Variants in FILIP1L observed in about 807,000 individuals in gnomAD.
FILIP1L encodes the protein filamin A-interacting protein 1-like.
In FILIP1L, 55 loss-of-function variants were observed where a neutral mutation model predicts 96.6. That is an observed-to-expected ratio of 0.57 (90% confidence interval 0.46 to 0.71). The LOEUF is 0.71. FILIP1L is among the 30% of genes least tolerant of loss of function. The pLI is 0.00. For synonymous variants in FILIP1L, 467 were observed against 473.9 expected (o/e 0.99, Z 0.19); for missense variants, 1,304 against 1,321.2 (o/e 0.99, Z 0.20).
chr3:100,058,594 G>A (rs1435618047), intron 1 of FILIP1L, among the ~76,000 whole-genome samples: 4 of 152,094 alleles, frequency 2.6e-5, no homozygotes, highest in Admixed American at 6.5e-5. Flanking sequence ...CCCCTTGGTG[G>A]ACAAAGAGAA....
chr3:99,983,029 A>G (rs1325488769), intron 1 of FILIP1L, among the ~76,000 whole-genome samples: 1 of 151,006 alleles, frequency 6.6e-6, no homozygotes, highest in Non-Finnish European at 1.5e-5. Flanking sequence ...TGTGAATATG[A>G]GGGAAGTCAT....
intron 1 of FILIP1L, among the ~76,000 whole-genome samples, chr3:100,052,380 T>C (rs2065389094): frequency 6.6e-6 from 1 of 152,234 alleles, no homozygotes; most frequent in Non-Finnish European, 1.5e-5. Context: ...GGGGAACTTT[T>C]GTTCCAAGGT....
chr3:99,843,170 A>G (rs1239669195), intron 5 of FILIP1L, among the ~76,000 whole-genome samples: 1 of 152,200 alleles, frequency 6.6e-6, no homozygotes, highest in African/African-American at 2.4e-5. Context: ...TGGTTCATCT[A>G]ACTGCCTTAT....
rs9825382 is a variant in FILIP1L, at chr3:99,902,947, G to A, written c.605+21283C>T. Among the ~76,000 whole-genome samples the A allele has an allele frequency of 3.8e-3, 583 of 152,246 alleles. 3 individuals are homozygous for A. Among genetic ancestry groups the A allele is most frequent in the African/African-American group, 0.013 (542 of 41,548 alleles). ...TATAAAATCATAAGCAGTGTGGCAG[G>A]ACAAATACTCCTGTTCACCTAAACC... is the stretch of plus-strand genomic sequence containing the variant. On this transcript the variant is annotated intron_variant, in intron 4 of 5. Transcript: ENST00000477258.
At position 99,914,633 on chromosome 3, in the gene FILIP1L, A is replaced by G. The variant is rs1206357911; in HGVS notation, c.605+9597T>C. 2.0e-5 allele frequency among the ~76,000 whole-genome samples: 3 copies of G among 152,360 alleles called. No homozygotes were observed. The East Asian group carries it at 5.8e-4, about 29-fold the overall frequency. ...CTTCATTGTTAGTAATGGTATAAAT[A>G]TCTTTTACAGAAGGCAGTTTAGCTA... On this transcript the variant is annotated intron_variant, in intron 4 of 5. Coordinates refer to ENST00000477258, the MANE Select transcript of FILIP1L (RefSeq NM_001387850.1).
intron 4 of FILIP1L, chr3:99,876,352 G>A (rs1054511737): frequency 1.3e-5 from 5 of 389,072 alleles, no homozygotes; most frequent in African/African-American, 2.2e-5. Context: ...TGAACGGACC[G>A]TGGTTCCCGG....
In FILIP1L at chr3:99,850,916, T is replaced by G. The variant is rs547561644; in HGVS notation, c.760A>C (p.Thr254Pro). 1 of 1,614,214 alleles carries G rather than the reference T, an allele frequency of 6.2e-7. No homozygotes were observed. Among genetic ancestry groups the G allele is most frequent in the South Asian group, 1.1e-5 (1 of 91,084 alleles). The change falls in exon 5 of 6, where the codon ACC becomes CCC. Residue 254 changes from threonine (T) to proline (P), a missense_variant. Thr to Pro is a conservative substitution (Grantham distance 38). Coordinates refer to ENST00000477258, the MANE Select transcript of FILIP1L (RefSeq NM_001387850.1). ...TCTTGGATTTTCTGTCTTTGAAGGG[T>G]GAGCTGTGCCGTCAGCCTTTGCTGT... is the stretch of plus-strand genomic sequence containing the variant. Reference protein sequence around the residue: ...DEQQRLTAQLTLQRQKIQELT... With the variant: ...DEQQRLTAQLPLQRQKIQELT...
rs10629410 is a variant in FILIP1L at position 99,929,513 on chromosome 3, A to AGTGTGTGT, written c.426+335_426+342dup. On this transcript the variant is annotated intron_variant, in intron 3 of 5. Transcript: ENST00000477258. ...GCCTGGGTACCCTGCAAGTTCCCAG[A>AGTGTGTGT]GTGTGTGTGTGTGTGTGTGTGTGTG... Among the ~76,000 whole-genome samples, 532 of 148,278 alleles carry AGTGTGTGT rather than the reference A, an allele frequency of 3.6e-3. 2 individuals carry two copies. Among genetic ancestry groups the AGTGTGTGT allele is most frequent in the South Asian group, 9.5e-3 (44 of 4,632 alleles).
At chr3:99,859,114 A>T (rs757658931) in intron 4 of FILIP1L, among the ~76,000 whole-genome samples, 50 of 152,266 alleles carry the variant, frequency 3.3e-4, no homozygotes, top group Admixed American at 1.2e-3. Context: ...CTCCAATTTG[A>T]AATAAGAGTA....
chr3:99,908,064 A>G (rs1475701661), intron 4 of FILIP1L, among the ~76,000 whole-genome samples: 1 of 152,224 alleles, frequency 6.6e-6, no homozygotes, highest in African/African-American at 2.4e-5. Context: ...GGATTTTTAA[A>G]CTGTCCAATT....
chr3:99,886,116 C>T (rs1278425702), intron 4 of FILIP1L, among the ~76,000 whole-genome samples: 1 of 152,204 alleles, frequency 6.6e-6, no homozygotes, highest in Non-Finnish European at 1.5e-5. Context: ...TGCACACGTG[C>T]ACATGGACGT....
chr3:99,862,020 C>T (rs891851052), intron 4 of FILIP1L, among the ~76,000 whole-genome samples: 1 of 152,044 alleles, frequency 6.6e-6, no homozygotes, highest in Non-Finnish European at 1.5e-5. Flanking sequence ...GTGCCTGGCA[C>T]AATACATGTC....
intron 4 of FILIP1L, among the ~76,000 whole-genome samples, chr3:99,875,247 G>A (rs1026393167): frequency 2.0e-5 from 3 of 152,150 alleles, no homozygotes; most frequent in African/African-American, 7.2e-5. Flanking sequence ...TTATCATACT[G>A]TAAGAGTTCA....
At chr3:100,104,356 G>A (rs983637218) in intron 1 of FILIP1L, among the ~76,000 whole-genome samples, 4 of 152,164 alleles carry the variant, frequency 2.6e-5, no homozygotes, top group Non-Finnish European at 4.4e-5. Flanking sequence ...AACTACATCA[G>A]TTGTCTTTGT....
intron 1 of FILIP1L, among the ~76,000 whole-genome samples, chr3:100,059,133 G>A (rs1483437566): frequency 2.6e-5 from 4 of 152,210 alleles, no homozygotes; most frequent in Non-Finnish European, 5.9e-5. Flanking sequence ...AGAAAGAACA[G>A]ATTGACTAAC....
chr3:99,959,140 C>G (rs1211469465), intron 1 of FILIP1L, among the ~76,000 whole-genome samples: 2 of 151,906 alleles, frequency 1.3e-5, no homozygotes, highest in Non-Finnish European at 2.9e-5. Context: ...TCCATTTTTC[C>G]CAAACTTTAT....
chr3:100,092,766 T>C (rs2066133122), intron 1 of FILIP1L, among the ~76,000 whole-genome samples: 1 of 151,254 alleles, frequency 6.6e-6, no homozygotes, highest in Admixed American at 6.6e-5. Context: ...ATGTCTTATC[T>C]CCCTGCATTC....
intron 3 of FILIP1L, among the ~76,000 whole-genome samples, chr3:99,927,449 G>A (rs1432517848): frequency 1.3e-5 from 2 of 151,126 alleles, no homozygotes; most frequent in South Asian, 2.1e-4. Context: ...AGCTCATCGC[G>A]ATCTCCGCCT....
intron 4 of FILIP1L, among the ~76,000 whole-genome samples, chr3:99,882,436 GA>G (rs1705759919): frequency 6.6e-6 from 1 of 152,160 alleles, no homozygotes; most frequent in Non-Finnish European, 1.5e-5. Context: ...ATAATGGCTG[GA>G]AATGTATTCA....
Sources: gnomAD v4.1 joint callset for allele counts (sites outside exome capture counted in the v4.1 genomes callset) on GRCh38, gnomAD v4.1.1 for gene constraint, MANE v1.5 for transcripts, NCBI Gene and HGNC (gene_info 2026-07-23, HGNC 2026-07-21) for gene names.